RBM19: variants seen among roughly 807,000 people sequenced by gnomAD.
The protein encoded by RBM19 is probable RNA-binding protein 19.
RBM19 carries 94 observed loss-of-function variants against 116.8 expected under a neutral mutation model. The ratio of observed to expected loss-of-function variants is 0.80; its 90% CI spans 0.68 to 0.95. The LOEUF (loss-of-function observed/expected upper bound fraction) is 0.95. RBM19 is among the 40% of genes least tolerant of loss of function. The pLI is 0.00. For synonymous variants in RBM19, 475 were observed against 494.1 expected (o/e 0.96, Z 0.51); for missense variants, 1,161 against 1,220.7 (o/e 0.95, Z 0.73).
In RBM19 at chr12:113,933,818, C is replaced by T. The variant is rs73210915; in HGVS notation, c.2068+3189G>A. 5.2e-3 allele frequency among the ~76,000 whole-genome samples: 789 copies of T among 152,354 alleles called. 6 individuals carry two copies. Among genetic ancestry groups the T allele is most frequent in the Non-Finnish European group, 7.0e-3 (474 of 68,040 alleles). ...TGTCCCCCAACAGCTCTATTGTCCTCCACAGCTCAAAAGTTCCTGGGGAAG... is the reference window on the plus strand; with the variant it reads ...TGTCCCCCAACAGCTCTATTGTCCTTCACAGCTCAAAAGTTCCTGGGGAAG... On this transcript the variant is annotated intron_variant, in intron 16 of 23. Transcript: ENST00000261741.
chr12:113,855,086 C>T lies in RBM19; in HGVS notation c.2664+3705G>A, dbSNP rs149799540. Among the ~76,000 whole-genome samples the T allele has an allele frequency of 3.9e-4, 60 of 152,254 alleles. No individual in the cohort carries two copies. The East Asian group carries it at 9.7e-3, about 25-fold the overall frequency. On this transcript the variant is annotated intron_variant, in intron 22 of 23. Coordinates refer to ENST00000261741, the MANE Select transcript of RBM19 (RefSeq NM_016196.4). ...GGCTTGATAGATATCACAGAGCCCT[C>T]GAGGATATGCACAGTGGGACGTGGG...
chr12:113,870,832 T>G (rs1354843960), intron 21 of RBM19, among the ~76,000 whole-genome samples: 2 of 151,990 alleles, frequency 1.3e-5, no homozygotes, highest in Admixed American at 6.6e-5. Flanking sequence ...CCAGGGAGAT[T>G]TGAGATTCGT....
chr12:113,889,714 C>T (rs1229332176), intron 21 of RBM19, among the ~76,000 whole-genome samples: 6 of 151,450 alleles, frequency 4.0e-5, no homozygotes, highest in African/African-American at 7.3e-5. Flanking sequence ...AAACAAACAA[C>T]GAATTTTAAA....
At chr12:113,914,259 G>C (rs898686355) in intron 21 of RBM19, among the ~76,000 whole-genome samples, 1 of 152,378 alleles carries the variant, frequency 6.6e-6, no homozygotes, top group Admixed American at 6.5e-5. Context: ...TGGATGACCA[G>C]AGAGAGGCCC....
intron 17 of RBM19, among the ~76,000 whole-genome samples, chr12:113,925,954 A>C (rs1869030347): frequency 6.6e-6 from 1 of 152,236 alleles, no homozygotes; most frequent in Non-Finnish European, 1.5e-5. Context: ...AAAGCAAAAC[A>C]AAAATGGAAC....
chr12:113,945,672 G>A (rs927757519), intron 13 of RBM19, among the ~76,000 whole-genome samples, 156 bp downstream of exon 13: 1 of 152,214 alleles, frequency 6.6e-6, no homozygotes, highest in Non-Finnish European at 1.5e-5. Context: ...GGAGGGCTGG[G>A]AGAGCACCTT....
intron 21 of RBM19, among the ~76,000 whole-genome samples, chr12:113,881,417 G>A (rs1880119560): frequency 6.6e-6 from 1 of 152,128 alleles, no homozygotes. Context: ...ATGGAAGAGT[G>A]AGAACAGTTT....
intron 23 of RBM19, among the ~76,000 whole-genome samples, chr12:113,840,573 G>A (rs945600629): frequency 2.6e-5 from 4 of 152,244 alleles, no homozygotes; most frequent in Non-Finnish European, 4.4e-5. Flanking sequence ...CCTACTGAAC[G>A]TGTCACAGGG....
At chr12:113,899,179 C>G (rs1881524225) in intron 21 of RBM19, among the ~76,000 whole-genome samples, 1 of 152,312 alleles carries the variant, frequency 6.6e-6, no homozygotes, top group South Asian at 2.1e-4. Context: ...TGGGAATTCC[C>G]TTACTTCAGT....
intron 21 of RBM19, among the ~76,000 whole-genome samples, chr12:113,879,893 A>C (rs931701369): frequency 1.3e-5 from 2 of 151,914 alleles, no homozygotes; most frequent in African/African-American, 4.8e-5. Context: ...GTGGGCAGGC[A>C]GAGGGTGAGC....
intron 21 of RBM19, among the ~76,000 whole-genome samples, chr12:113,859,862 G>A (rs559460434): frequency 1.0e-3 from 156 of 152,214 alleles, no homozygotes; most frequent in African/African-American, 2.2e-3. Flanking sequence ...ACATATGCAC[G>A]ATGGTCTAGG....
At chr12:113,869,165 C>T (rs1019438386) in intron 21 of RBM19, among the ~76,000 whole-genome samples, 3 of 152,130 alleles carry the variant, frequency 2.0e-5, no homozygotes, top group Admixed American at 6.5e-5. Context: ...GCTGAGAGTC[C>T]GACCCCTCCT....
intron 22 of RBM19, among the ~76,000 whole-genome samples, chr12:113,849,014 A>G (rs761215694): frequency 6.6e-6 from 1 of 152,224 alleles, no homozygotes; most frequent in Non-Finnish European, 1.5e-5. Flanking sequence ...AAACTGAGGC[A>G]CTGGCCAAGG....
chr12:113,945,381 G>T (rs1870925968), intron 13 of RBM19, among the ~76,000 whole-genome samples: 1 of 152,182 alleles, frequency 6.6e-6, no homozygotes, highest in South Asian at 2.1e-4. Context: ...ACATGGTTCA[G>T]AGCCAAGGCA....
At chr12:113,844,882 G>A in intron 22 of RBM19, 94 bp from the exon 23 acceptor site, 7 of 1,470,294 alleles carry the variant, frequency 4.8e-6, no homozygotes, top group Non-Finnish European at 6.3e-6. Flanking sequence ...CGTCTCAGAT[G>A]CCAAAGCCCA....
chr12:113,935,110 C>G (rs1869933537), intron 16 of RBM19, among the ~76,000 whole-genome samples: 1 of 152,140 alleles, frequency 6.6e-6, no homozygotes, highest in Non-Finnish European at 1.5e-5. Flanking sequence ...AAAAAGAAGA[C>G]AGCAGAGAGG....
chr12:113,945,880 G>T lies in RBM19; in HGVS notation c.1574C>A (p.Ala525Asp). The T allele has an allele frequency of 1.3e-6, 2 of 1,594,976 alleles. No homozygotes were observed. Among genetic ancestry groups the T allele is most frequent in the Non-Finnish European group, 1.7e-6 (2 of 1,162,568 alleles). ...GTTGTACTTCTGTGCGATGGCATCG[G>T]CCACGGCATTCGGCCCCATGAATAG... ...NTLFMGPNAV[A>D]DAIAQKYNAT... is the part of the protein sequence containing the mutation. The change falls in exon 13 of 24, where the codon GCC becomes GAC. Residue 525 changes from alanine to aspartate, a missense_variant. Physicochemically the swap from Ala to Asp is moderately radical, Grantham distance 126. Transcript: ENST00000261741.
chr12:113,821,408 T>C (rs928537384), downstream of RBM19, among the ~76,000 whole-genome samples: 2 of 152,134 alleles, frequency 1.3e-5, no homozygotes, highest in Non-Finnish European at 2.9e-5. Context: ...GAAGGAGCCA[T>C]GTGCCGCCGA....
At chr12:113,964,440 A>G (rs1316462526) in intron 1 of RBM19, among the ~76,000 whole-genome samples, 1 of 152,226 alleles carries the variant, frequency 6.6e-6, no homozygotes, top group East Asian at 1.9e-4. Flanking sequence ...CATTCATGAG[A>G]TAAGACAAAC....
Sources: allele counts gnomAD v4.1 joint callset (sites outside exome capture counted in the v4.1 genomes callset), GRCh38; gene constraint gnomAD v4.1.1; transcripts MANE v1.5; gene names NCBI Gene and HGNC (gene_info 2026-07-23, HGNC 2026-07-21).